The following POLE variants were observed in gnomAD, a reference collection of about 807,000 sequenced individuals.
The protein encoded by POLE is DNA polymerase epsilon, catalytic subunit.
A neutral mutation model predicts 279.2 loss-of-function variants in POLE; 188 were observed. The ratio of observed to expected loss-of-function variants is 0.67; its 90% CI spans 0.60 to 0.76. The LOEUF is 0.76. Among genes scored for constraint, POLE ranks in the 30% least tolerant of loss-of-function variants. POLE has a pLI of 0.00. For synonymous variants in POLE, 1,214 were observed against 1,172.5 expected, an observed-to-expected ratio of 1.04 and a Z score of -0.72; for missense variants, 2,703 against 3,016.7, an observed-to-expected ratio of 0.90 and a Z score of 2.44.
At chr12:132,677,825 G>A (rs1461385037) in intron 6 of POLE, 106 bp from the exon 7 acceptor site, 8 of 1,086,140 alleles carry the variant, frequency 7.4e-6, no homozygotes, top group Non-Finnish European at 9.5e-6. Context: ...TCAAACCGAG[G>A]AAACACAAAA....
intron 28 of POLE, 21 bp from the exon 29 acceptor site, chr12:132,657,279 T>C (rs1208706085): frequency 3.1e-6 from 5 of 1,613,970 alleles, no homozygotes; most frequent in Non-Finnish European, 3.4e-6. Context: ...CCAACACCCA[T>C]CAGAGAGAGA....
At position 132,665,459 on chromosome 12, in the gene POLE, C is replaced by G; in HGVS notation, c.2320-9G>C. On this transcript the variant is annotated splice_polypyrimidine_tract_variant and intron_variant, in intron 20 of 48. Transcript: ENST00000320574. ...AGCTTCTTTTTCCACACCTGAGAAGCACATGAACATGGAGCACCTCACAGA... is the reference window on the plus strand; with the variant it reads ...AGCTTCTTTTTCCACACCTGAGAAGGACATGAACATGGAGCACCTCACAGA... 5.0e-6 allele frequency: 8 copies of G among 1,604,228 alleles called. No homozygotes were observed. The highest frequency in any genetic ancestry group is 6.8e-6 in the Non-Finnish European group (8 of 1,175,716).
intron 45 of POLE, among the ~76,000 whole-genome samples, chr12:132,628,016 T>C (rs2138439591): frequency 6.6e-6 from 1 of 152,374 alleles, no homozygotes; most frequent in African/African-American, 2.4e-5. Context: ...TCTCAATCCT[T>C]TGTCATTTCC....
chr12:132,679,861 A>G, intron 5 of POLE, 93 bp downstream of exon 5: 1 of 1,053,000 alleles, frequency 9.5e-7, no homozygotes, highest in Non-Finnish European at 1.4e-6. Flanking sequence ...CACCCAACAG[A>G]TGACCTGAAT....
intron 8 of POLE, among the ~76,000 whole-genome samples, 192 bp from the exon 9 acceptor site, chr12:132,676,845 C>T (rs1232566984): frequency 6.6e-6 from 1 of 152,184 alleles, no homozygotes. Context: ...TGAAAACTGA[C>T]ATACCTAAGA....
intron 26 of POLE, 72 bp downstream of exon 26, chr12:132,659,223 G>C: frequency 6.7e-7 from 1 of 1,486,276 alleles, no homozygotes; most frequent in African/African-American, 1.4e-5. Flanking sequence ...TCACCTCTCC[G>C]TGACGGAGGG....
chr12:132,632,225 G>T, intron 45 of POLE, 90 bp downstream of exon 45: 1 of 980,988 alleles, frequency 1.0e-6, no homozygotes, highest in Non-Finnish European at 1.6e-6. Context: ...CATGGTGCAC[G>T]CATTACAGCC....
At chr12:132,648,643 A>G (rs1171218685) in intron 32 of POLE, 1 of 331,402 alleles carries the variant, frequency 3.0e-6, no homozygotes, top group Non-Finnish European at 5.5e-6. Flanking sequence ...CAAAGAGCCT[A>G]CGGAGACAGA....
intron 45 of POLE, among the ~76,000 whole-genome samples, chr12:132,629,465 G>A (rs2041894279): frequency 6.6e-6 from 1 of 152,216 alleles, no homozygotes; most frequent in African/African-American, 2.4e-5. Context: ...CAGATCTTCT[G>A]GAGAACTCGC....
Position 132,677,424 on chromosome 12 carries a change from C to G in POLE, c.740G>C (p.Arg247Thr). 1 of 1,614,018 alleles carries G rather than the reference C, an allele frequency of 6.2e-7. No individual in the cohort carries two copies. The highest frequency in any genetic ancestry group is 8.5e-7 in the Non-Finnish European group (1 of 1,179,902). ...KIHVAHWYNVRYRGNAFPVEI... is the reference protein window; with the variant it reads ...KIHVAHWYNVTYRGNAFPVEI... ...TACCGGAAAAGCATTTCCTCGGTAT[C>G]TGACATTGTACCAATGAGCCTGCAA... Residue 247 changes from arginine (R) to threonine (T), a missense_variant, in exon 8 of 49, where the codon AGA becomes ACA. Physicochemically the swap from Arg to Thr is moderately conservative, Grantham distance 71. This residue lies in a region of POLE where 1,011 missense variants were observed against 1,111.7 expected (regional missense o/e 0.91). Coordinates refer to ENST00000320574, the MANE Select transcript of POLE (RefSeq NM_006231.4).
rs370011512 is a variant in POLE at position 132,672,368 on chromosome 12, C to T, written c.1687-46G>A. 1.1e-5 allele frequency: 16 copies of T among 1,466,892 alleles called. 1 individual carries two copies. Among genetic ancestry groups the T allele is most frequent in the African/African-American group, 9.7e-5 (7 of 72,068 alleles). The allele number at this position is 1,466,892 out of a possible 1,614,324, so 90.9% of individuals were successfully genotyped here. Reference sequence around the variant, plus strand: ...CGGGGTCAGAGGGGAAACACACCCACACTAGCCTGCCTCAGGTTTGACGCT... The same window carrying T: ...CGGGGTCAGAGGGGAAACACACCCATACTAGCCTGCCTCAGGTTTGACGCT... On this transcript the variant is annotated intron_variant, in intron 15 of 48. Coordinates refer to ENST00000320574, the MANE Select transcript of POLE (RefSeq NM_006231.4).
intron 39 of POLE, 194 bp downstream of exon 39, chr12:132,641,453 G>T (rs1366517418): frequency 8.3e-6 from 5 of 598,844 alleles, no homozygotes; most frequent in Non-Finnish European, 1.5e-5. Flanking sequence ...CTGAACAGTC[G>T]CCAGGGACCA....
In POLE at chr12:132,678,407, G is replaced by GTAA. The variant is rs544706725; in HGVS notation, c.579-691_579-689dup. 3.3e-3 allele frequency among the ~76,000 whole-genome samples: 498 copies of GTAA among 150,684 alleles called. 3 individuals are homozygous for GTAA. Among genetic ancestry groups the GTAA allele is most frequent in the African/African-American group, 9.5e-3 (391 of 41,078 alleles). Reference sequence around the variant, plus strand: ...CATAGGGAGACTCATCTCTACAAAAGTAATAATAATAATAATAATAATTAG... The same window carrying GTAA: ...CATAGGGAGACTCATCTCTACAAAAGTAATAATAATAATAATAATAATAATTAG... On this transcript the variant is annotated intron_variant, in intron 6 of 48. Transcript: ENST00000320574.
Position 132,668,089 on chromosome 12 carries a change from AAAAAG to A in POLE, c.2173+262_2173+266del, listed in dbSNP as rs1377083429. 2.0e-5 allele frequency among the ~76,000 whole-genome samples: 3 copies of A among 152,108 alleles called. No homozygotes were observed. Among genetic ancestry groups the A allele is most frequent in the African/African-American group, 7.2e-5 (3 of 41,406 alleles). On this transcript the variant is annotated intron_variant, in intron 19 of 48. Coordinates refer to ENST00000320574, the MANE Select transcript of POLE (RefSeq NM_006231.4). This position sits in a 1 kb window ranked among gnomAD's most constrained non-coding sequence, Gnocchi z 4.0. ...CAGAGTGAGACCTCATTTCAAAAAA[AAAAAG>A]AAAGAAATAGGACAGCCCAGGGGTA...
rs1565953036 is a variant in POLE, at chr12:132,657,193, A to G, written c.3525T>C (p.Asn1175=). 6.2e-7 allele frequency: 1 copy of G among 1,613,680 alleles called. No homozygotes were observed. The highest frequency in any genetic ancestry group is 8.5e-7 in the Non-Finnish European group (1 of 1,179,924). The change falls in exon 29 of 49, where the codon AAT becomes AAC. Residue 1175 remains asparagine (N), a synonymous_variant. Coordinates refer to ENST00000320574, the MANE Select transcript of POLE (RefSeq NM_006231.4). ...TGATCTTCTTCTGCTTGTAGACATC[A>G]TTCTTCTCCAGCAGTTTTTTGTGCA... The part of the protein sequence containing the change: ...DWLHKKLLEK[N]DVYKQKKISE...
chr12:132,636,782 T>C (rs1402657154), intron 41 of POLE, among the ~76,000 whole-genome samples: 1 of 148,040 alleles, frequency 6.8e-6, no homozygotes, highest in East Asian at 2.0e-4. Flanking sequence ...CCCCAAAAAA[T>C]GGAAGAATAA....
At chr12:132,674,234 A>G (rs1333271624) in intron 12 of POLE, among the ~76,000 whole-genome samples, 1 of 151,894 alleles carries the variant, frequency 6.6e-6, no homozygotes, top group Non-Finnish European at 1.5e-5. Flanking sequence ...ACCTGTCTCT[A>G]CCTCCTCCCT....
rs1593777931 is a variant in POLE at position 132,661,806 on chromosome 12, G to A, written c.2707-122C>T. The A allele has an allele frequency of 1.4e-5, 13 of 935,298 alleles. No homozygotes were observed. Among genetic ancestry groups the A allele is most frequent in the South Asian group, 5.0e-5 (3 of 59,914 alleles). The allele number at this position is 935,298 out of a possible 1,614,324, so 57.9% of individuals were successfully genotyped here. On this transcript the variant is annotated intron_variant, in intron 23 of 48. Transcript: ENST00000320574. The surrounding 1 kb of genome is among the most constrained non-coding windows in gnomAD (Gnocchi z 4.1). ...CGAGGCTTTTCCACATAACTAACAC[G>A]ACTTGGCAGCAGGAAGGAAGGAAGT...
At chr12:132,628,047 A>G (rs2041868600) in intron 45 of POLE, among the ~76,000 whole-genome samples, 1 of 152,216 alleles carries the variant, frequency 6.6e-6, no homozygotes, top group Admixed American at 6.5e-5. Context: ...CTTTCATCTC[A>G]AGAAACTACT....
Sources: allele counts gnomAD v4.1 joint callset (sites outside exome capture counted in the v4.1 genomes callset), GRCh38; gene constraint gnomAD v4.1.1; regional missense constraint gnomAD v4.1.1; non-coding constraint Gnocchi (gnomAD v3.1); transcripts MANE v1.5; gene names NCBI Gene and HGNC (gene_info 2026-07-23, HGNC 2026-07-21).